Variants in DLG2 observed in about 807,000 individuals in gnomAD.
DLG2 encodes the protein discs large MAGUK scaffold protein 2.
DLG2 carries 45 observed loss-of-function variants against 132.5 expected under a neutral mutation model. The ratio of observed to expected loss-of-function variants is 0.34; its 90% CI spans 0.27 to 0.44. The LOEUF (loss-of-function observed/expected upper bound fraction) is 0.44. DLG2 is among the 20% of genes least tolerant of loss of function. The pLI is 1.00. For synonymous variants in DLG2, 424 were observed against 419.6 expected (o/e 1.01, Z -0.13); for missense variants, 1,045 against 1,196.9 (o/e 0.87, Z 1.87).
chr11:85,377,750 C>T (rs1331300589), intron 3 of DLG2, among the ~76,000 whole-genome samples: 3 of 148,680 alleles, frequency 2.0e-5, no homozygotes, highest in Non-Finnish European at 4.5e-5. Flanking sequence ...CATGGTGGCT[C>T]TGTTTCTTGC....
intron 5 of DLG2, among the ~76,000 whole-genome samples, chr11:85,138,026 C>A (rs1224710736): frequency 6.6e-6 from 1 of 151,734 alleles, no homozygotes; most frequent in African/African-American, 2.4e-5. Context: ...AAATGTGTAT[C>A]CTTACAAAAA....
At chr11:84,036,461 A>G (rs1224968510) in intron 11 of DLG2, among the ~76,000 whole-genome samples, 2 of 152,146 alleles carry the variant, frequency 1.3e-5, no homozygotes, top group Admixed American at 6.6e-5. Flanking sequence ...GTTTCACTCT[A>G]ACAGATGTCC....
In DLG2 at chr11:84,373,249, C is replaced by CAAAAAAAAAAACAAAAA. The variant is rs1459550146; in HGVS notation, c.520-121959_520-121958insTTTTTGTTTTTTTTTTT. ...TTGTTTTTTCCAATTAAGAAACAGT[C>CAAAAAAAAAAACAAAAA]AAAAAAAAAAAAAAACAAAACAAAA... On this transcript the variant is annotated intron_variant, in intron 7 of 27. Transcript: ENST00000376104. Among the ~76,000 whole-genome samples, 4 of 41,664 alleles carry CAAAAAAAAAAACAAAAA rather than the reference C, an allele frequency of 9.6e-5. 1 individual carries two copies. Among genetic ancestry groups the CAAAAAAAAAAACAAAAA allele is most frequent in the African/African-American group, 5.3e-4 (4 of 7,524 alleles). 27.3% of individuals were successfully genotyped at this position (41,664 alleles called of 152,430 possible). A position where few individuals can be genotyped will look rare whatever the true frequency, so the allele number is the denominator to read the frequency against.
At chr11:84,038,205 C>G (rs1021541487) in intron 11 of DLG2, among the ~76,000 whole-genome samples, 1 of 151,796 alleles carries the variant, frequency 6.6e-6, no homozygotes, top group East Asian at 1.9e-4. Context: ...ACTGAGCAAA[C>G]AGACAATCTA....
At position 83,833,692 on chromosome 11, in the gene DLG2, A is replaced by G; in HGVS notation, c.1644T>C (p.Gly548=). 1 of 1,614,010 alleles carries G rather than the reference A, an allele frequency of 6.2e-7. No homozygotes were observed. Among genetic ancestry groups the G allele is most frequent in the South Asian group, 1.1e-5 (1 of 91,060 alleles). ...FNIVGGEDGE[G]IFVSFILAGG... ...CAGCCAGAATGAAGGACACAAAAAT[A>G]CCTTCTCCATCTTCCCCACCGACAA... The change falls in exon 17 of 28, where the codon GGT becomes GGC. Residue 548 remains glycine, a synonymous_variant. Transcript: ENST00000376104.
At chr11:84,666,552 G>A (rs2099699964) in intron 6 of DLG2, among the ~76,000 whole-genome samples, 1 of 151,912 alleles carries the variant, frequency 6.6e-6, no homozygotes, top group South Asian at 2.1e-4. Context: ...GACACTTACA[G>A]GAATCAAGTA....
intron 14 of DLG2, among the ~76,000 whole-genome samples, chr11:83,948,913 C>T (rs1368870399): frequency 6.6e-6 from 1 of 152,162 alleles, no homozygotes; most frequent in East Asian, 1.9e-4. Flanking sequence ...TTTCACTAAT[C>T]TTTCTTGCTT....
At position 84,943,648 on chromosome 11, in the gene DLG2, G is replaced by A. The variant is rs181635512; in HGVS notation, c.357+168013C>T. On this transcript the variant is annotated intron_variant, in intron 6 of 27. Transcript: ENST00000376104. ...CTCAACACTTTAACTTCATCCCCCC[G>A]ATTTTTAACTTTTTATTGTTTCTAT... 1.1e-4 allele frequency among the ~76,000 whole-genome samples: 17 copies of A among 151,948 alleles called. No individual in the cohort carries two copies. In the East Asian group the frequency reaches 3.1e-3, roughly 28 times the overall value.
intron 8 of DLG2, among the ~76,000 whole-genome samples, chr11:84,166,449 C>T (rs2095663846): frequency 6.9e-6 from 1 of 145,360 alleles, no homozygotes; most frequent in Admixed American, 7.1e-5. Flanking sequence ...TTGCAGTGAG[C>T]CTAGATAGTG....
intron 3 of DLG2, among the ~76,000 whole-genome samples, chr11:85,490,873 G>A (rs1486749189): frequency 6.6e-6 from 1 of 151,930 alleles, no homozygotes; most frequent in Non-Finnish European, 1.5e-5. Flanking sequence ...CAATCCTCCT[G>A]AAACTTTTCA....
chr11:84,404,553 G>T (rs193050879), intron 7 of DLG2, among the ~76,000 whole-genome samples: 2 of 152,152 alleles, frequency 1.3e-5, no homozygotes, highest in African/African-American at 4.8e-5. Context: ...TACACCTATA[G>T]TAGCTATTAG....
At chr11:83,838,145 C>CA (rs1261361023) in intron 16 of DLG2, among the ~76,000 whole-genome samples, 3 of 151,816 alleles carry the variant, frequency 2.0e-5, no homozygotes, top group African/African-American at 7.3e-5. Flanking sequence ...ATTTATTCCT[C>CA]AAAAAAATGA....
At chr11:84,122,263 T>C (rs911452137) in intron 9 of DLG2, among the ~76,000 whole-genome samples, 1 of 152,122 alleles carries the variant, frequency 6.6e-6, no homozygotes, top group Non-Finnish European at 1.5e-5. Context: ...GAGGTTACAA[T>C]GAGCCAAGAT....
chr11:83,601,863 C>T (rs1305331964), intron 19 of DLG2, among the ~76,000 whole-genome samples: 1 of 152,054 alleles, frequency 6.6e-6, no homozygotes, highest in East Asian at 1.9e-4. Context: ...TTGCTGTGAT[C>T]ACAGATCTTT....
At chr11:84,451,554 G>A (rs1461506791) in intron 7 of DLG2, among the ~76,000 whole-genome samples, 1 of 151,790 alleles carries the variant, frequency 6.6e-6, no homozygotes, top group Non-Finnish European at 1.5e-5. Context: ...AAACTCGGGA[G>A]TATATATGTC....
intron 18 of DLG2, among the ~76,000 whole-genome samples, chr11:83,742,397 G>A (rs1395166032): frequency 6.6e-6 from 1 of 151,716 alleles, no homozygotes; most frequent in Non-Finnish European, 1.5e-5. Flanking sequence ...AGTACTCTAA[G>A]GAAAAAAAAT....
intron 6 of DLG2, among the ~76,000 whole-genome samples, chr11:84,556,969 G>A (rs557748491): frequency 6.6e-6 from 1 of 152,186 alleles, no homozygotes; most frequent in East Asian, 1.9e-4. Flanking sequence ...GCAGAATGGA[G>A]GCCCCTGGGT....
At chr11:84,197,713 G>A (rs1230863840) in intron 8 of DLG2, among the ~76,000 whole-genome samples, 1 of 152,114 alleles carries the variant, frequency 6.6e-6, no homozygotes, top group Non-Finnish European at 1.5e-5. Context: ...GCACATTACT[G>A]ACTAAAAAAA....
intron 12 of DLG2, among the ~76,000 whole-genome samples, chr11:83,980,143 A>C (rs905908047): frequency 6.6e-6 from 1 of 152,164 alleles, no homozygotes; most frequent in African/African-American, 2.4e-5. Context: ...GAGATAATTA[A>C]GGTTAAATGA....
Sources: allele counts gnomAD v4.1 joint callset (sites outside exome capture counted in the v4.1 genomes callset), GRCh38; gene constraint gnomAD v4.1.1; transcripts MANE v1.5; gene names NCBI Gene and HGNC (gene_info 2026-07-23, HGNC 2026-07-21).